The following ACKR2 variants were observed in gnomAD, a reference collection of about 807,000 sequenced individuals.
ACKR2 encodes atypical chemokine receptor 2.
For synonymous variants in ACKR2, 207 were observed against 192.2 expected (o/e 1.08, Z -0.64); for missense variants, 457 against 477.3 (o/e 0.96, Z 0.40).
At chr3:42,838,019 T>C (rs1003023180) in intron 2 of ACKR2, among the ~76,000 whole-genome samples, 1 of 152,126 alleles carries the variant, frequency 6.6e-6, no homozygotes, top group African/African-American at 2.4e-5. Flanking sequence ...CAAATAGCCT[T>C]CCAAGGTTTG....
At chr3:42,812,684 T>TTTTTG (rs1700708107) in intron 1 of ACKR2, among the ~76,000 whole-genome samples, 1 of 121,652 alleles carries the variant, frequency 8.2e-6, no homozygotes, top group East Asian at 2.4e-4. Flanking sequence ...TTCAGCCTTT[T>TTTTTG]TTTTTTTTTT....
In ACKR2 at chr3:42,853,996, T is replaced by G. The variant is rs1240845516; in HGVS notation, c.-37-10470T>G. On this transcript the variant is annotated intron_variant, in intron 2 of 2. Coordinates refer to ENST00000422265, the MANE Select transcript of ACKR2 (RefSeq NM_001296.5). ...GTGAACAGTACACTCAGGATGGGTG[T>G]GCTTTCAGCCCCTGAGGGACCTACA... Among the ~76,000 whole-genome samples the G allele has an allele frequency of 4.6e-5, 7 of 152,186 alleles. No individual in the cohort carries two copies. The East Asian group carries it at 1.3e-3, about 29-fold the overall frequency.
At chr3:42,847,251 C>A (rs540472434) in intron 2 of ACKR2, among the ~76,000 whole-genome samples, 71 of 152,242 alleles carry the variant, frequency 4.7e-4, no homozygotes, top group Admixed American at 8.5e-4. Context: ...ATACATAACC[C>A]CTTAGCTGAA....
intron 2 of ACKR2, among the ~76,000 whole-genome samples, chr3:42,819,959 GAGGTACCTCT>G (rs1559683896): frequency 6.6e-6 from 1 of 152,202 alleles, no homozygotes; most frequent in African/African-American, 2.4e-5. Flanking sequence ...CTGTGAGAAT[GAGGTACCTCT>G]TCTGGGAGGC....
chr3:42,860,786 C>T (rs1408923732), intron 2 of ACKR2, among the ~76,000 whole-genome samples: 1 of 152,078 alleles, frequency 6.6e-6, no homozygotes, highest in South Asian at 2.1e-4. Flanking sequence ...GAAGTGAAGG[C>T]AGAAATAAAT....
At chr3:42,839,382 C>G (rs1480696796) in intron 2 of ACKR2, 1 of 152,068 alleles carries the variant, frequency 6.6e-6, no homozygotes, top group East Asian at 1.9e-4. Context: ...TAACTCCCAT[C>G]AACAGTGCAG....
Position 42,865,802 on chromosome 3 carries a change from C to A in ACKR2, c.*145C>A. 3 of 626,794 alleles carry A rather than the reference C, an allele frequency of 4.8e-6. No homozygotes were observed. Among genetic ancestry groups the A allele is most frequent in the Non-Finnish European group, 8.3e-6 (3 of 363,330 alleles). The allele number at this position is 626,794 out of a possible 1,614,324, so 38.8% of individuals were successfully genotyped here. A position where few individuals can be genotyped will look rare whatever the true frequency, so the allele number is the denominator to read the frequency against. On this transcript the variant is annotated 3_prime_UTR_variant, in exon 3 of 3. Coordinates refer to ENST00000422265, the MANE Select transcript of ACKR2 (RefSeq NM_001296.5). ...TTCTCAGCCATCAGCAGCATTTGCT[C>A]GCCCCGCCTTCTTCCTCCACTTTCT...
intron 2 of ACKR2, among the ~76,000 whole-genome samples, chr3:42,843,610 C>T (rs1701062911): frequency 6.6e-6 from 1 of 152,174 alleles, no homozygotes; most frequent in South Asian, 2.1e-4. Flanking sequence ...GGGTGGTCTC[C>T]ATACTCTGTG....
At chr3:42,862,912 G>T (rs114232824) in intron 2 of ACKR2, among the ~76,000 whole-genome samples, 5,596 of 152,174 alleles carry the variant, frequency 0.037, 181 homozygotes, top group African/African-American at 0.083. Flanking sequence ...AACCCTAGAA[G>T]AAAGCTAGGC....
chr3:42,862,304 G>A (rs2088392623), intron 2 of ACKR2, among the ~76,000 whole-genome samples: 1 of 152,096 alleles, frequency 6.6e-6, no homozygotes, highest in African/African-American at 2.4e-5. Flanking sequence ...AACTTACAAG[G>A]GATGTGAAGA....
chr3:42,815,417 A>G (rs1700739033), intron 1 of ACKR2, among the ~76,000 whole-genome samples: 1 of 152,230 alleles, frequency 6.6e-6, no homozygotes, highest in African/African-American at 2.4e-5. Flanking sequence ...GGGCCAGGCC[A>G]TCAGAAGATT....
intron 2 of ACKR2, among the ~76,000 whole-genome samples, chr3:42,820,459 G>T (rs1313883214): frequency 2.0e-5 from 3 of 151,948 alleles, no homozygotes; most frequent in African/African-American, 7.3e-5. Flanking sequence ...CAGATGTGGT[G>T]GTGGGCGCCT....
chr3:42,865,302 A>G lies in ACKR2; in HGVS notation c.800A>G (p.Asn267Ser), dbSNP rs371241795. 28 of 1,614,034 alleles carry G rather than the reference A, an allele frequency of 1.7e-5. No homozygotes were observed. Among genetic ancestry groups the G allele is most frequent in the Admixed American group, 1.2e-4 (7 of 59,998 alleles). Reference protein sequence around the residue: ...VAFFVLWFPYNLTLFLHTLLD... With the variant: ...VAFFVLWFPYSLTLFLHTLLD... ...TTCTTCGTGCTATGGTTCCCATACA[A>G]TCTCACCTTGTTTCTGCATACGCTG... Residue 267 changes from asparagine to serine, a missense_variant, in exon 3 of 3, where the codon AAT becomes AGT. Coordinates refer to ENST00000422265, the MANE Select transcript of ACKR2 (RefSeq NM_001296.5).
At chr3:42,825,921 A>T (rs1185659524) in intron 2 of ACKR2, among the ~76,000 whole-genome samples, 2 of 118,120 alleles carry the variant, frequency 1.7e-5, no homozygotes, top group African/African-American at 2.9e-5. Context: ...TAGTTTATTG[A>T]ATTTTTTTTT....
In ACKR2 at chr3:42,859,479, C is replaced by T. The variant is rs755350581; in HGVS notation, c.-37-4987C>T. On this transcript the variant is annotated intron_variant, in intron 2 of 2. Coordinates refer to ENST00000422265, the MANE Select transcript of ACKR2 (RefSeq NM_001296.5). ...CTGCAAGCTCCACCTCCTGGGTTCACGCCATTCTCCTGCCTCAGCCTCCTG... is the reference window on the plus strand; with the variant it reads ...CTGCAAGCTCCACCTCCTGGGTTCATGCCATTCTCCTGCCTCAGCCTCCTG... Among the ~76,000 whole-genome samples, 8 of 151,874 alleles carry T rather than the reference C, an allele frequency of 5.3e-5. No homozygotes were observed. In the South Asian group the frequency reaches 1.3e-3, roughly 24 times the overall value.
chr3:42,816,840 G>A (rs1240802454), intron 1 of ACKR2, among the ~76,000 whole-genome samples: 1 of 151,998 alleles, frequency 6.6e-6, no homozygotes, highest in Non-Finnish European at 1.5e-5. Flanking sequence ...TTACAGACGT[G>A]AGCCACCATG....
At chr3:42,815,505 A>C (rs1700739506) in intron 1 of ACKR2, among the ~76,000 whole-genome samples, 1 of 152,248 alleles carries the variant, frequency 6.6e-6, no homozygotes, top group African/African-American at 2.4e-5. Flanking sequence ...GAGTCATGGA[A>C]TAGTACTTAA....
Position 42,864,771 on chromosome 3 carries a change from T to C in ACKR2, c.269T>C (p.Ile90Thr), listed in dbSNP as rs756554044. ...GAGATCTATCTGCTGAATCTGGCCA[T>C]CTCCAACCTTCTGTTTCTGGTGACA... ...MVEIYLLNLA[I>T]SNLLFLVTLP... is the part of the protein sequence containing the mutation. Residue 90 changes from isoleucine (I) to threonine (T), a missense_variant, in exon 3 of 3, where the codon ATC becomes ACC. Physicochemically the swap from Ile to Thr is moderately conservative, Grantham distance 89. Transcript: ENST00000422265. 1 of 1,614,228 alleles carries C rather than the reference T, an allele frequency of 6.2e-7. No individual in the cohort carries two copies. Among genetic ancestry groups the C allele is most frequent in the South Asian group, 1.1e-5 (1 of 91,084 alleles).
chr3:42,821,365 T>A (rs1009137892), intron 2 of ACKR2, among the ~76,000 whole-genome samples: 1 of 152,226 alleles, frequency 6.6e-6, no homozygotes, highest in Non-Finnish European at 1.5e-5. Context: ...CAGTCTGCAA[T>A]ACGCCAACAG....
Sources: gnomAD v4.1 joint callset for allele counts (sites outside exome capture counted in the v4.1 genomes callset) on GRCh38, gnomAD v4.1.1 for gene constraint, MANE v1.5 for transcripts, NCBI Gene and HGNC (gene_info 2026-07-23, HGNC 2026-07-21) for gene names.